ASIC2: variants seen among roughly 807,000 people sequenced by gnomAD.
The protein encoded by ASIC2 is acid sensing ion channel subunit 2.
ASIC2 carries 25 observed loss-of-function variants against 57.3 expected under a neutral mutation model. The observed-to-expected ratio is 0.44, with a 90% CI of 0.32 to 0.61. The LOEUF is 0.61. Ranked by LOEUF, ASIC2 falls within the 20% of genes least tolerant of loss-of-function variation. The pLI is 0.06. For synonymous variants in ASIC2, 319 were observed against 307.5 expected, an observed-to-expected ratio of 1.04 and a Z score of -0.39; for missense variants, 641 against 738.1, an observed-to-expected ratio of 0.87 and a Z score of 1.52.
intron 1 of ASIC2, among the ~76,000 whole-genome samples, chr17:33,166,425 T>C (rs1023196311): frequency 1.1e-4 from 17 of 152,214 alleles, no homozygotes; most frequent in Non-Finnish European, 2.1e-4. Flanking sequence ...CAAAGGACAG[T>C]TGGGACCAAG....
rs140522540 is a variant in ASIC2, at chr17:33,151,886, T to C, written c.709-39819A>G. 2.6e-3 allele frequency among the ~76,000 whole-genome samples: 390 copies of C among 152,352 alleles called. 2 individuals carry two copies. The highest frequency in any genetic ancestry group is 9.1e-3 in the African/African-American group (377 of 41,584). ...AGCAGCACAAAATGGGCTAAGACAC[T>C]TCTGGAGTAATCACCCTGTGTTAAG... On this transcript the variant is annotated intron_variant, in intron 1 of 9. Coordinates refer to ENST00000225823, the MANE Select transcript of ASIC2 (RefSeq NM_183377.2).
chr17:33,277,512 G>A (rs982322964), intron 1 of ASIC2, among the ~76,000 whole-genome samples: 1 of 152,154 alleles, frequency 6.6e-6, no homozygotes, highest in Non-Finnish European at 1.5e-5. Flanking sequence ...AGTTCTCTGC[G>A]GAACACAATG....
intron 1 of ASIC2, among the ~76,000 whole-genome samples, chr17:33,637,159 A>G (rs1006587485): frequency 2.6e-5 from 4 of 152,104 alleles, no homozygotes; most frequent in African/African-American, 7.2e-5. Flanking sequence ...ATGCAGCTAG[A>G]AGCAGAATCT....
chr17:33,645,876 A>G (rs1359748187), intron 1 of ASIC2, among the ~76,000 whole-genome samples: 2 of 152,198 alleles, frequency 1.3e-5, no homozygotes, highest in Non-Finnish European at 2.9e-5. Flanking sequence ...TGTCTAGTAC[A>G]TGCCATAACT....
chr17:33,500,916 C>T (rs553681731), intron 1 of ASIC2, among the ~76,000 whole-genome samples: 2 of 152,364 alleles, frequency 1.3e-5, no homozygotes, highest in East Asian at 1.9e-4. Context: ...GTGTTTATAG[C>T]GTCCCGCTAC....
intron 1 of ASIC2, among the ~76,000 whole-genome samples, chr17:33,198,835 C>T (rs1476059749): frequency 2.6e-5 from 4 of 152,226 alleles, no homozygotes; most frequent in African/African-American, 4.8e-5. Flanking sequence ...AATACACAAT[C>T]TTCTTCTTGG....
At chr17:33,063,548 CT>C (rs1343223651) in intron 3 of ASIC2, among the ~76,000 whole-genome samples, 5 of 152,212 alleles carry the variant, frequency 3.3e-5, no homozygotes, top group African/African-American at 1.2e-4. Context: ...GTCTGATGGG[CT>C]TCCCTTTGTG....
intron 1 of ASIC2, among the ~76,000 whole-genome samples, chr17:33,675,212 T>C (rs1405549367): frequency 6.6e-6 from 1 of 152,214 alleles, no homozygotes; most frequent in Non-Finnish European, 1.5e-5. Context: ...TATTCTCTTT[T>C]CACCTGTCAT....
chr17:33,712,077 G>C (rs564193313), intron 1 of ASIC2, among the ~76,000 whole-genome samples: 28 of 152,310 alleles, frequency 1.8e-4, no homozygotes, highest in African/African-American at 6.7e-4. Context: ...ATTCCCAAGA[G>C]TGAATATAGG....
At chr17:33,110,422 T>C (rs887131574) in intron 2 of ASIC2, among the ~76,000 whole-genome samples, 1 of 152,116 alleles carries the variant, frequency 6.6e-6, no homozygotes, top group Admixed American at 6.5e-5. Context: ...TGGAAGGGCA[T>C]TGAGTTGAGA....
At chr17:34,091,808 T>C (rs942001001) in intron 1 of ASIC2, among the ~76,000 whole-genome samples, 11 of 152,188 alleles carry the variant, frequency 7.2e-5, no homozygotes, top group African/African-American at 2.7e-4. Flanking sequence ...GTAAAGAGTA[T>C]GTACAGGCTT....
intron 1 of ASIC2, among the ~76,000 whole-genome samples, chr17:33,785,239 C>G (rs1356421408): frequency 6.6e-6 from 1 of 152,058 alleles, no homozygotes; most frequent in African/African-American, 2.4e-5. Context: ...CATCTACAAG[C>G]CAAGAAGAGA....
chr17:33,989,955 T>C (rs578240822), intron 1 of ASIC2, among the ~76,000 whole-genome samples: 2 of 152,214 alleles, frequency 1.3e-5, no homozygotes, highest in South Asian at 2.1e-4. Context: ...TCCGGTGATA[T>C]TGACAAGGAC....
intron 1 of ASIC2, among the ~76,000 whole-genome samples, chr17:33,956,239 A>G (rs947062533): frequency 6.6e-6 from 1 of 152,234 alleles, no homozygotes; most frequent in African/African-American, 2.4e-5. Flanking sequence ...CTCTTGAAGA[A>G]GAGTTTCCAC....
At chr17:33,074,403 G>T (rs2092081345) in intron 3 of ASIC2, among the ~76,000 whole-genome samples, 1 of 152,062 alleles carries the variant, frequency 6.6e-6, no homozygotes, top group Admixed American at 6.6e-5. Flanking sequence ...TGCCTTTGCT[G>T]GTTGCAGGTC....
At chr17:33,022,381 C>T (rs567107153) in intron 6 of ASIC2, among the ~76,000 whole-genome samples, 63 of 152,304 alleles carry the variant, frequency 4.1e-4, no homozygotes, top group Admixed American at 3.1e-3. Flanking sequence ...CTGGGCATTG[C>T]GGACACAGAA....
At chr17:33,295,069 C>T (rs1044055260), upstream of ASIC2, among the ~76,000 whole-genome samples, 1 of 152,238 alleles carries the variant, frequency 6.6e-6, no homozygotes, top group East Asian at 1.9e-4. Context: ...CATCATAAAT[C>T]TGGAGTGGCA....
intron 1 of ASIC2, among the ~76,000 whole-genome samples, chr17:34,121,737 C>T (rs564820086): frequency 3.3e-5 from 5 of 152,340 alleles, no homozygotes; most frequent in South Asian, 4.1e-4. Flanking sequence ...TCACCTCCTG[C>T]CCCTACATTC....
At chr17:33,266,019 C>T (rs1008111200) in intron 1 of ASIC2, among the ~76,000 whole-genome samples, 10 of 152,182 alleles carry the variant, frequency 6.6e-5, no homozygotes, top group African/African-American at 2.4e-4. Flanking sequence ...TCCTTGAACA[C>T]GTCCAGTTCC....
Sources: allele counts gnomAD v4.1 joint callset (sites outside exome capture counted in the v4.1 genomes callset), GRCh38; gene constraint gnomAD v4.1.1; transcripts MANE v1.5; gene names NCBI Gene and HGNC (gene_info 2026-07-23, HGNC 2026-07-21).